Variants in ZNF438 observed in about 807,000 individuals in gnomAD.
The protein encoded by ZNF438 is zinc finger protein 438.
ZNF438 carries 25 observed loss-of-function variants against 38.0 expected under a neutral mutation model. The observed-to-expected ratio is 0.66, with a 90% CI of 0.48 to 0.92. The LOEUF (loss-of-function observed/expected upper bound fraction) is 0.92, where lower values mean the gene tolerates loss of function less well. ZNF438 is among the 40% of genes least tolerant of loss of function. ZNF438 has a pLI of 0.00. For synonymous variants in ZNF438, 372 were observed against 364.1 expected (o/e 1.02, Z -0.25); for missense variants, 1,007 against 999.6 (o/e 1.01, Z -0.10).
chr10:30,864,719 G>T (rs1216761054), intron 4 of ZNF438, among the ~76,000 whole-genome samples: 1 of 152,162 alleles, frequency 6.6e-6, no homozygotes, highest in Non-Finnish European at 1.5e-5. Context: ...ACAGCAACAA[G>T]AAAGAGTCGT....
At chr10:30,847,475 T>G (rs929158293) in intron 5 of ZNF438, among the ~76,000 whole-genome samples, 1 of 152,174 alleles carries the variant, frequency 6.6e-6, no homozygotes. Flanking sequence ...CTCTTCATCT[T>G]GCTCACCCTC....
intron 1 of ZNF438, among the ~76,000 whole-genome samples, chr10:30,982,260 C>A (rs1398899471): frequency 1.3e-5 from 2 of 151,922 alleles, no homozygotes; most frequent in African/African-American, 4.8e-5. Context: ...TGCCACCACG[C>A]CTGGCTAATT....
intron 5 of ZNF438, 128 bp downstream of exon 6, chr10:30,848,402 CA>C: frequency 9.1e-7 from 1 of 1,093,456 alleles, no homozygotes; most frequent in South Asian, 1.6e-5. Context: ...AGGAGGTATA[CA>C]TAGCTACTTT....
intron 3 of ZNF438, among the ~76,000 whole-genome samples, chr10:30,891,838 C>T (rs1034639567): frequency 9.2e-5 from 14 of 152,230 alleles, no homozygotes; most frequent in African/African-American, 3.1e-4. Flanking sequence ...AGATTTGAGT[C>T]TTTCTACATC....
chr10:31,012,028 C>G (rs1429958062), intron 1 of ZNF438, among the ~76,000 whole-genome samples: 1 of 152,132 alleles, frequency 6.6e-6, no homozygotes, highest in African/African-American at 2.4e-5. Context: ...CTGGAATGCT[C>G]TCAGACATCT....
chr10:30,862,479 A>AT (rs1451597573), intron 4 of ZNF438, among the ~76,000 whole-genome samples: 3 of 152,034 alleles, frequency 2.0e-5, no homozygotes, highest in African/African-American at 7.2e-5. Flanking sequence ...GTTTTTAAAC[A>AT]TTTTTTTGTA....
chr10:30,995,166 AATAGG>A (rs1459020392), intron 1 of ZNF438, among the ~76,000 whole-genome samples: 1 of 152,218 alleles, frequency 6.6e-6, no homozygotes, highest in Non-Finnish European at 1.5e-5. Flanking sequence ...ACAAATTCTA[AATAGG>A]ATAAATACAA....
chr10:30,957,082 T>A (rs1044953238), intron 1 of ZNF438, among the ~76,000 whole-genome samples: 1 of 152,214 alleles, frequency 6.6e-6, no homozygotes, highest in African/African-American at 2.4e-5. Flanking sequence ...GTAATAGCCA[T>A]TCTAACTGGG....
intron 1 of ZNF438, among the ~76,000 whole-genome samples, chr10:31,004,182 C>G (rs1397393918): frequency 7.2e-5 from 11 of 152,160 alleles, no homozygotes; most frequent in Non-Finnish European, 1.6e-4. Flanking sequence ...TGCTGCTAAG[C>G]ATCCTACAAT....
chr10:30,870,352 G>C (rs976383307), intron 4 of ZNF438, among the ~76,000 whole-genome samples: 3 of 152,014 alleles, frequency 2.0e-5, no homozygotes, highest in Non-Finnish European at 4.4e-5. Flanking sequence ...GGCAGAACAA[G>C]GTGATGTCCT....
intron 1 of ZNF438, among the ~76,000 whole-genome samples, chr10:30,987,131 A>G (rs1391702000): frequency 6.6e-6 from 1 of 152,068 alleles, no homozygotes; most frequent in East Asian, 1.9e-4. Context: ...TAAAATTTAC[A>G]AACGTTTATA....
chr10:30,880,514 A>C lies in ZNF438; in HGVS notation c.-31-3449T>G, dbSNP rs114739520. On this transcript the variant is annotated intron_variant, in intron 3 of 5. Coordinates refer to ENST00000413025, the Ensembl canonical transcript of ZNF438. ...GACAATAAACAATAATAACAACTGT[A>C]ATCTAGAATTCTTAGACCTCTAGGC... Among the ~76,000 whole-genome samples, 337 of 152,196 alleles carry C rather than the reference A, an allele frequency of 2.2e-3. 4 individuals carry two copies. The highest frequency in any genetic ancestry group is 7.2e-3 in the African/African-American group (298 of 41,548).
At chr10:30,873,021 G>A (rs1317820662) in intron 4 of ZNF438, among the ~76,000 whole-genome samples, 1 of 152,192 alleles carries the variant, frequency 6.6e-6, no homozygotes, top group Non-Finnish European at 1.5e-5. Flanking sequence ...TATATGGGAA[G>A]TAAATAAATT....
rs573638565 is a variant in ZNF438 at position 30,985,691 on chromosome 10, C to T, written c.-191-44040G>A. Among the ~76,000 whole-genome samples, 5 of 152,292 alleles carry T rather than the reference C, an allele frequency of 3.3e-5. No individual in the cohort carries two copies. The East Asian group carries it at 9.6e-4, about 29-fold the overall frequency. On this transcript the variant is annotated intron_variant, in intron 1 of 5. Coordinates refer to ENST00000413025, the Ensembl canonical transcript of ZNF438. The stretch of plus-strand genomic sequence containing the variant: ...AAAGACAAAATTACCGTTGGTTCTC[C>T]TTATTCACAGTAGTTAAGTTCTATG...
Position 30,978,954 on chromosome 10 carries a change from A to C in ZNF438, c.-191-37303T>G, listed in dbSNP as rs1050905491. Among the ~76,000 whole-genome samples the C allele has an allele frequency of 3.3e-5, 5 of 152,238 alleles. No homozygotes were observed. The East Asian group carries it at 7.7e-4, about 23-fold the overall frequency. On this transcript the variant is annotated intron_variant, in intron 1 of 5. Coordinates refer to ENST00000413025, the Ensembl canonical transcript of ZNF438. ...GTCTTATATGATATCGTCTTCGAAT[A>C]TAAGGCTGTTTCATTTGCATTGAGG...
intron 1 of ZNF438, among the ~76,000 whole-genome samples, chr10:30,998,274 C>A (rs74800322): frequency 0.056 from 8,531 of 152,026 alleles, 757 homozygotes; most frequent in African/African-American, 0.19. Context: ...GGCGCAGTGG[C>A]TCATGCCTGT....
At chr10:30,866,560 C>T (rs980897368) in intron 4 of ZNF438, among the ~76,000 whole-genome samples, 3 of 152,010 alleles carry the variant, frequency 2.0e-5, no homozygotes, top group East Asian at 1.9e-4. Flanking sequence ...ATGGGTCAGG[C>T]GCGGTGGCTC....
chr10:30,937,144 G>T (rs1379299668), intron 2 of ZNF438, among the ~76,000 whole-genome samples: 2 of 152,120 alleles, frequency 1.3e-5, no homozygotes, highest in African/African-American at 4.8e-5. Context: ...CTAGGGCAGG[G>T]GTGCTAATGG....
At chr10:30,934,988 A>G (rs75132501) in intron 2 of ZNF438, among the ~76,000 whole-genome samples, 6,535 of 152,318 alleles carry the variant, frequency 0.043, 406 homozygotes, top group East Asian at 0.3. Flanking sequence ...AAAATACCAT[A>G]AAATATGTCC....
Sources: allele counts gnomAD v4.1 joint callset (sites outside exome capture counted in the v4.1 genomes callset), GRCh38; gene constraint gnomAD v4.1.1; transcripts MANE v1.5; gene names NCBI Gene and HGNC (gene_info 2026-07-23, HGNC 2026-07-21).